Variants in HIVEP2 observed in about 807,000 individuals in gnomAD.
HIVEP2 encodes transcription factor HIVEP2.
In HIVEP2, 14 loss-of-function variants were observed where a neutral mutation model predicts 180.7. The ratio of observed to expected loss-of-function variants is 0.08; its 90% confidence interval spans 0.05 to 0.12. HIVEP2 has a LOEUF of 0.12. Ranked by LOEUF, HIVEP2 falls within the 10% of genes least tolerant of loss-of-function variation. HIVEP2 has a pLI of 1.00. For synonymous variants in HIVEP2, 1,184 were observed against 1,136.4 expected (o/e 1.04, Z -0.84); for missense variants, 2,579 against 3,008.5 (o/e 0.86, Z 3.34).
chr6:142,871,087 T>C (rs1042445048), intron 1 of HIVEP2, among the ~76,000 whole-genome samples: 2 of 152,186 alleles, frequency 1.3e-5, no homozygotes, highest in Non-Finnish European at 2.9e-5. Flanking sequence ...TTTCTTAAGT[T>C]CAAGAAGAAA....
chr6:142,761,704 C>G (rs2114615970), intron 7 of HIVEP2, 139 bp from the exon 8 acceptor site: 1 of 651,140 alleles, frequency 1.5e-6, no homozygotes, highest in South Asian at 1.8e-5. Context: ...CTACCCACTA[C>G]CCCTTGTTTC....
Position 142,751,775 on chromosome 6 carries a change from C to T in HIVEP2, c.*1332G>A, listed in dbSNP as rs1272718223. The stretch of plus-strand genomic sequence containing the variant: ...TTGAAAGATTCTTTTCCCCATTCCC[C>T]CTGAGATAGCCAGGAGTGTGACACT... On this transcript the variant is annotated 3_prime_UTR_variant, in exon 10 of 10. Coordinates refer to ENST00000367603, the MANE Select transcript of HIVEP2 (RefSeq NM_006734.4). 1.3e-5 allele frequency: 2 copies of T among 152,692 alleles called. No individual in the cohort carries two copies. The highest frequency in any genetic ancestry group is 1.5e-5 in the Non-Finnish European group (1 of 68,102). 9.5% of individuals were successfully genotyped at this position (152,692 alleles called of 1,614,324 possible).
At position 142,803,566 on chromosome 6, in the gene HIVEP2, TACAC is replaced by T. The variant is rs10688831; in HGVS notation, c.-527-19955_-527-19952del. On this transcript the variant is annotated intron_variant, in intron 2 of 9. Transcript: ENST00000367603. ...ACCCCAACTATATATATATATAGCA[TACAC>T]ACACACACACACACACACACACACA... 2.3e-4 allele frequency among the ~76,000 whole-genome samples: 32 copies of T among 141,732 alleles called. 2 individuals are homozygous for T. The highest frequency in any genetic ancestry group is 8.3e-4 in the East Asian group (4 of 4,806). The allele number at this position is 141,732 out of a possible 152,430, so 93.0% of individuals were successfully genotyped here.
chr6:142,859,439 C>T (rs1582919106), intron 1 of HIVEP2, among the ~76,000 whole-genome samples: 1 of 142,840 alleles, frequency 7.0e-6, no homozygotes, highest in African/African-American at 2.6e-5. Context: ...CCAGCCTGGG[C>T]AACAGAGCAA....
At chr6:142,928,943 C>A (rs572756662) in intron 1 of HIVEP2, among the ~76,000 whole-genome samples, 1 of 152,292 alleles carries the variant, frequency 6.6e-6, no homozygotes, top group Admixed American at 6.5e-5. Context: ...CTTGGCTTCC[C>A]AAACTGTATC....
At chr6:142,889,555 C>T (rs1040562737) in intron 1 of HIVEP2, among the ~76,000 whole-genome samples, 3 of 152,156 alleles carry the variant, frequency 2.0e-5, no homozygotes, top group African/African-American at 7.2e-5. Flanking sequence ...TCTCTGAAAT[C>T]AAAGAAAACT....
intron 2 of HIVEP2, among the ~76,000 whole-genome samples, chr6:142,830,069 G>A (rs1775035719): frequency 6.6e-6 from 1 of 152,088 alleles, no homozygotes; most frequent in Admixed American, 6.5e-5. Flanking sequence ...GATGGGGATG[G>A]GAAAGATTAC....
chr6:142,815,880 T>C (rs1030650087), intron 2 of HIVEP2, among the ~76,000 whole-genome samples: 3 of 152,248 alleles, frequency 2.0e-5, no homozygotes, highest in African/African-American at 7.2e-5. Flanking sequence ...TTGTGCCATC[T>C]GGTAAAGTTT....
At chr6:142,915,504 C>T (rs1207370799) in intron 1 of HIVEP2, among the ~76,000 whole-genome samples, 3 of 152,156 alleles carry the variant, frequency 2.0e-5, no homozygotes, top group Admixed American at 6.5e-5. Context: ...CTTGCAGCCT[C>T]CAGAACTGTG....
intron 1 of HIVEP2, among the ~76,000 whole-genome samples, chr6:142,876,030 G>A (rs1345898692): frequency 3.3e-5 from 5 of 152,242 alleles, no homozygotes; most frequent in African/African-American, 9.6e-5. Context: ...CCAACACTTA[G>A]GGGCAGCCTA....
Position 142,774,144 on chromosome 6 carries a change from C to T in HIVEP2, c.595G>A (p.Ala199Thr). 1 of 1,614,146 alleles carries T rather than the reference C, an allele frequency of 6.2e-7. No homozygotes were observed. The highest frequency in any genetic ancestry group is 8.5e-7 in the Non-Finnish European group (1 of 1,180,034). Residue 199 changes from alanine (A) to threonine (T), a missense_variant, in exon 5 of 10, where the codon GCC (alanine) becomes ACC (threonine). Ala to Thr is a moderately conservative substitution (Grantham distance 58). Transcript: ENST00000367603. The surrounding 1 kb of genome is among the most constrained non-coding windows in gnomAD (Gnocchi z 5.1). Reference protein sequence around the residue: ...YICPYCSRACAKPSVLKKHIR... With the variant: ...YICPYCSRACTKPSVLKKHIR... ...TGTTTTTTCAGTACACTAGGTTTGG[C>T]ACACGCTCTGCTGCAGTAAGGGCAA...
intron 1 of HIVEP2, among the ~76,000 whole-genome samples, chr6:142,924,079 G>C (rs193210660): frequency 6.6e-6 from 1 of 152,336 alleles, no homozygotes; most frequent in East Asian, 1.9e-4. Context: ...GATGCAAAAG[G>C]AGGACTGCAG....
chr6:142,809,317 A>C (rs529448435), intron 2 of HIVEP2, among the ~76,000 whole-genome samples: 1 of 151,906 alleles, frequency 6.6e-6, no homozygotes, highest in Non-Finnish European at 1.5e-5. Context: ...GCCTGAGAAC[A>C]CTCGCCCTGC....
chr6:142,756,085 A>G (rs1446888173), intron 9 of HIVEP2, among the ~76,000 whole-genome samples: 2 of 152,238 alleles, frequency 1.3e-5, no homozygotes, highest in African/African-American at 4.8e-5. Context: ...AGATTATGTT[A>G]AGTGCATATG....
At chr6:142,827,109 G>A (rs867720578) in intron 2 of HIVEP2, among the ~76,000 whole-genome samples, 3 of 151,982 alleles carry the variant, frequency 2.0e-5, no homozygotes, top group Non-Finnish European at 1.5e-5. Flanking sequence ...TGTTATTCCT[G>A]TTAAATTATA....
chr6:142,921,855 C>A (rs1468205031), intron 1 of HIVEP2, among the ~76,000 whole-genome samples: 2 of 152,166 alleles, frequency 1.3e-5, no homozygotes, highest in African/African-American at 4.8e-5. Context: ...TCCAAAAAAT[C>A]AAAGCTTAAA....
chr6:142,774,710 T>C lies in HIVEP2; in HGVS notation c.29A>G (p.Gln10Arg). 1 of 1,614,238 alleles carries C rather than the reference T, an allele frequency of 6.2e-7. No homozygotes were observed. The highest frequency in any genetic ancestry group is 1.1e-5 in the South Asian group (1 of 91,082). ...TTCTCCAGACCTTGAGGTAGCTTTTTGTCCTAGAGCTGTGTCCCCAGTGTC... is the reference window on the plus strand; with the variant it reads ...TTCTCCAGACCTTGAGGTAGCTTTTCGTCCTAGAGCTGTGTCCCCAGTGTC... MDTGDTALG[Q>R]KATSRSGETD... is the part of the protein sequence containing the mutation. The change falls in exon 5 of 10, where the codon CAA becomes CGA. Residue 10 changes from glutamine (Q) to arginine (R), a missense_variant. Physicochemically the swap from Gln to Arg is conservative, Grantham distance 43. Around this residue, in one of 11 missense-constraint regions of HIVEP2, gnomAD observed 207 missense variants for 210.1 expected, o/e 0.99. Transcript: ENST00000367603. The surrounding 1 kb of genome is among the most constrained non-coding windows in gnomAD (Gnocchi z 5.1).
chr6:142,934,280 A>G (rs951757474), intron 1 of HIVEP2, among the ~76,000 whole-genome samples: 2 of 152,248 alleles, frequency 1.3e-5, no homozygotes, highest in Admixed American at 6.5e-5. Context: ...GAGTGCTATA[A>G]ACAATGCTTC....
intron 1 of HIVEP2, among the ~76,000 whole-genome samples, chr6:142,914,568 G>A (rs1777503202): frequency 6.6e-6 from 1 of 152,156 alleles, no homozygotes; most frequent in Non-Finnish European, 1.5e-5. Context: ...GTGTTAAAAT[G>A]ATGGCTGATG....
Sources: allele counts gnomAD v4.1 joint callset (sites outside exome capture counted in the v4.1 genomes callset), GRCh38; gene constraint gnomAD v4.1.1; regional missense constraint gnomAD v4.1.1; non-coding constraint Gnocchi (gnomAD v3.1); transcripts MANE v1.5; gene names NCBI Gene and HGNC (gene_info 2026-07-23, HGNC 2026-07-21).